The following BOLA3 variants were observed in gnomAD, a reference collection of about 807,000 sequenced individuals.
BOLA3 encodes the protein bolA-like protein 3.
Under a neutral mutation model 14.5 loss-of-function variants are expected in BOLA3, and 8 were observed. That is an observed-to-expected ratio of 0.55 (90% CI 0.32 to 0.99). BOLA3 has a LOEUF of 0.99. BOLA3 is among the 50% of genes least tolerant of loss of function. The pLI is 0.04. For synonymous variants in BOLA3, 42 were observed against 45.7 expected (o/e 0.92, Z 0.33); for missense variants, 115 against 138.2 (o/e 0.83, Z 0.84).
At chr2:74,139,173 G>A (rs1692391598) in intron 3 of BOLA3, among the ~76,000 whole-genome samples, 1 of 152,162 alleles carries the variant, frequency 6.6e-6, no homozygotes, top group Non-Finnish European at 1.5e-5. Context: ...AATCCCGCAG[G>A]GACAGTCTGA....
intron 3 of BOLA3, among the ~76,000 whole-genome samples, chr2:74,138,902 G>A (rs1344059002): frequency 6.6e-6 from 1 of 152,218 alleles, no homozygotes; most frequent in Non-Finnish European, 1.5e-5. Context: ...AGGCAACTCA[G>A]TGATCACCGT....
chr2:74,135,508 T>G lies in BOLA3; in HGVS notation c.*85A>C, dbSNP rs1692307028. The G allele has an allele frequency of 1.3e-6, 2 of 1,572,872 alleles. No individual in the cohort carries two copies. The highest frequency in any genetic ancestry group is 2.7e-5 in the African/African-American group (2 of 74,062). On this transcript the variant is annotated 3_prime_UTR_variant, in exon 4 of 4. Coordinates refer to ENST00000327428, the MANE Select transcript of BOLA3 (RefSeq NM_212552.3). ...ATGTATATGAGCAAAATATATAAATTTTTTGGTGACTGCTTAGGGAAGAAT... is the reference window on the plus strand; with the variant it reads ...ATGTATATGAGCAAAATATATAAATGTTTTGGTGACTGCTTAGGGAAGAAT...
intron 2 of BOLA3, among the ~76,000 whole-genome samples, chr2:74,143,853 A>ATT (rs3045552): frequency 7.9e-5 from 11 of 139,792 alleles, no homozygotes; most frequent in African/African-American, 2.7e-4. Context: ...TGCCTGGCTA[A>ATT]TTTTTTTTTT....
chr2:74,143,555 C>T (rs536011871), intron 2 of BOLA3, among the ~76,000 whole-genome samples: 218 of 152,300 alleles, frequency 1.4e-3, no homozygotes, highest in African/African-American at 4.5e-3. Context: ...TCCAGGACTG[C>T]GCAGAGCCAC....
Position 74,147,575 on chromosome 2 carries a change from C to T in BOLA3, c.54+246G>A, listed in dbSNP as rs1275939712. 1.8e-5 allele frequency: 10 copies of T among 566,598 alleles called. No homozygotes were observed. In the East Asian group the frequency reaches 2.9e-4, roughly 16 times the overall value. 35.1% of individuals were successfully genotyped at this position (566,598 alleles called of 1,614,324 possible). On this transcript the variant is annotated intron_variant, in intron 1 of 3. Transcript: ENST00000327428. ...ACTGTTCATGTGTCTGTCCGCCTGA[C>T]CTCCAACCTCCACCCAGCTCGGGAG...
At chr2:74,136,189 A>G (rs1391656876) in intron 3 of BOLA3, among the ~76,000 whole-genome samples, 1 of 152,110 alleles carries the variant, frequency 6.6e-6, no homozygotes, top group African/African-American at 2.4e-5. Context: ...GACTGGAGCA[A>G]TCTGCCTGTC....
At position 74,142,310 on chromosome 2, in the gene BOLA3, C is replaced by A. The variant is rs1692450480; in HGVS notation, c.220G>T (p.Glu74Ter). 1 of 1,613,894 alleles carries A rather than the reference C, an allele frequency of 6.2e-7. No homozygotes were observed. Among genetic ancestry groups the A allele is most frequent in the Non-Finnish European group, 8.5e-7 (1 of 1,179,902 alleles). The change falls in exon 3 of 4, where the codon GAG becomes TAG. Residue 74 changes from glutamate to a stop codon, truncating the protein, a stop_gained. Coordinates refer to ENST00000327428, the MANE Select transcript of BOLA3 (RefSeq NM_212552.3). LOFTEE classifies it high-confidence loss of function. The part of the protein sequence containing the change: ...EIKIESEEFK[E>*]KRTVQQHQMV... ...TGGTGCTGCTGGACAGTTCTCTTCT[C>A]CTTAAATTCTTCTGATTCAATTTTA...
At chr2:74,144,065 G>A (rs557757728) in intron 2 of BOLA3, among the ~76,000 whole-genome samples, 2 of 148,820 alleles carry the variant, frequency 1.3e-5, no homozygotes, top group African/African-American at 5.0e-5. Context: ...GAGTGCAGTG[G>A]CATGATCTTG....
At chr2:74,142,700 GAGA>G (rs1327029996) in intron 2 of BOLA3, among the ~76,000 whole-genome samples, 2 of 152,260 alleles carry the variant, frequency 1.3e-5, no homozygotes, top group Non-Finnish European at 2.9e-5. Flanking sequence ...GGAAGAGGAT[GAGA>G]AGGACGGAAT....
At chr2:74,145,119 C>A in intron 2 of BOLA3, 70 bp downstream of exon 2, 1 of 874,472 alleles carries the variant, frequency 1.1e-6, no homozygotes, top group South Asian at 1.3e-5. Context: ...CCTCCAAGCC[C>A]CTGACCCTCT....
At position 74,145,247 on chromosome 2, in the gene BOLA3, G is replaced by A; in HGVS notation, c.111C>T (p.Thr37=). The A allele has an allele frequency of 1.2e-6, 2 of 1,612,958 alleles. No individual in the cohort carries two copies. Among genetic ancestry groups the A allele is most frequent in the Non-Finnish European group, 1.7e-6 (2 of 1,178,892 alleles). Residue 37 remains threonine, a synonymous_variant, in exon 2 of 4, where the codon ACC becomes ACT. Coordinates refer to ENST00000327428, the MANE Select transcript of BOLA3 (RefSeq NM_212552.3). ...GTGGAAACTTTTCTTTGAGAATTTG[G>A]GTCACTCTGAGCTCCCCCTCAGTCT... ...ATQTEGELRV[T]QILKEKFPRA...
intron 2 of BOLA3, among the ~76,000 whole-genome samples, chr2:74,142,690 G>A (rs543260266): frequency 5.9e-5 from 9 of 152,214 alleles, no homozygotes; most frequent in African/African-American, 1.2e-4. Context: ...TAAACGCCAC[G>A]GAAGAGGATG....
chr2:74,139,702 C>T (rs1692401614), intron 3 of BOLA3, among the ~76,000 whole-genome samples: 1 of 152,186 alleles, frequency 6.6e-6, no homozygotes, highest in Admixed American at 6.5e-5. Flanking sequence ...AAGTGTCAGC[C>T]CCCTAAGAAT....
Position 74,135,744 on chromosome 2 carries a change from A to G in BOLA3, c.259-86T>C, listed in dbSNP as rs555683516. 12 of 1,019,824 alleles carry G rather than the reference A, an allele frequency of 1.2e-5. No individual in the cohort carries two copies. The East Asian group carries it at 1.4e-4, about 12-fold the overall frequency. 63.2% of individuals were successfully genotyped at this position (1,019,824 alleles called of 1,614,324 possible). A position where few individuals can be genotyped will look rare whatever the true frequency, so the allele number is the denominator to read the frequency against. On this transcript the variant is annotated intron_variant, in intron 3 of 3. Transcript: ENST00000327428. ...TGAGAGTATTTTTATACAGCTCTGC[A>G]TCTGAAGGAGACTTTGTATGTGCTT...
chr2:74,139,015 G>C (rs971886901), intron 3 of BOLA3, among the ~76,000 whole-genome samples: 3 of 152,180 alleles, frequency 2.0e-5, no homozygotes, highest in Non-Finnish European at 4.4e-5. Flanking sequence ...AGGCCTCCTA[G>C]GGCGTGGCCC....
chr2:74,139,956 T>C (rs1308999864), intron 3 of BOLA3, among the ~76,000 whole-genome samples: 2 of 151,950 alleles, frequency 1.3e-5, no homozygotes, highest in Non-Finnish European at 2.9e-5. Context: ...CTGGGCAGCA[T>C]AGTGGAACCC....
chr2:74,144,775 C>T (rs561724197), intron 2 of BOLA3, among the ~76,000 whole-genome samples: 5 of 152,342 alleles, frequency 3.3e-5, no homozygotes, highest in Non-Finnish European at 7.3e-5. Context: ...GGGCTCATTT[C>T]CTCTTAGGGA....
chr2:74,145,322 G>A lies in BOLA3; in HGVS notation c.55-19C>T, dbSNP rs1558823258. The A allele has an allele frequency of 7.1e-7, 1 of 1,404,288 alleles. No homozygotes were observed. Among genetic ancestry groups the A allele is most frequent in the Non-Finnish European group, 1.0e-6 (1 of 988,576 alleles). 87.0% of individuals were successfully genotyped at this position (1,404,288 alleles called of 1,614,324 possible). A position where few individuals can be genotyped will look rare whatever the true frequency, so the allele number is the denominator to read the frequency against. ...GTGGAAGCTGCCACAGAACAGAGAGGAAGGTCAGGGCAGAGGAAGATGCTG... is the reference window on the plus strand; with the variant it reads ...GTGGAAGCTGCCACAGAACAGAGAGAAAGGTCAGGGCAGAGGAAGATGCTG... On this transcript the variant is annotated intron_variant, in intron 1 of 3. Transcript: ENST00000327428.
At chr2:74,139,096 G>A (rs949189264) in intron 3 of BOLA3, among the ~76,000 whole-genome samples, 4 of 151,950 alleles carry the variant, frequency 2.6e-5, no homozygotes, top group African/African-American at 4.8e-5. Context: ...GCTGAGCCCC[G>A]CGCAGCAGGG....
Sources: allele counts gnomAD v4.1 joint callset (sites outside exome capture counted in the v4.1 genomes callset), GRCh38; gene constraint gnomAD v4.1.1; transcripts MANE v1.5; gene names NCBI Gene and HGNC (gene_info 2026-07-23, HGNC 2026-07-21).